Variants in HMGCLL1 observed in about 807,000 individuals in gnomAD.
HMGCLL1 encodes 3-hydroxymethyl-3-methylglutaryl-CoA lyase, cytoplasmic.
A neutral mutation model predicts 39.1 loss-of-function variants in HMGCLL1; 36 were observed. That is an observed-to-expected ratio of 0.92 (90% CI 0.71 to 1.22). The LOEUF is 1.22. Ranked by LOEUF, HMGCLL1 falls within the 50% of genes most tolerant of loss-of-function variation. The pLI is 0.00. For synonymous variants in HMGCLL1, 149 were observed against 144.0 expected (o/e 1.03, Z -0.25); for missense variants, 451 against 416.5 (o/e 1.08, Z -0.72).
the HMGCLL1 span, among the ~76,000 whole-genome samples, chr6:55,649,191 G>C: frequency 6.6e-6 from 1 of 152,054 alleles, no homozygotes; most frequent in African/African-American, 2.4e-5. Flanking sequence ...TGTACCTTCA[G>C]ATGATTTCGT....
chr6:55,500,429 A>G lies in HMGCLL1; in HGVS notation c.543-1130T>C, dbSNP rs1351737336. On this transcript the variant is annotated intron_variant, in intron 5 of 8. Coordinates refer to ENST00000274901, the MANE Select transcript of HMGCLL1 (RefSeq NM_001042406.2). The stretch of plus-strand genomic sequence containing the variant: ...TATTGATTTGAAGATGCACTATGAA[A>G]TTCCTAACAGTCTTTGGAGTAGAAA... 5.3e-5 allele frequency among the ~76,000 whole-genome samples: 8 copies of G among 152,150 alleles called. 1 individual carries two copies. Among genetic ancestry groups the G allele is most frequent in the African/African-American group, 1.9e-4 (8 of 41,554 alleles).
At chr6:55,461,332 A>C (rs1764556013) in intron 7 of HMGCLL1, among the ~76,000 whole-genome samples, 1 of 151,996 alleles carries the variant, frequency 6.6e-6, no homozygotes, top group African/African-American at 2.4e-5. Flanking sequence ...AGTACTTTTA[A>C]AGTTTAAAGA....
At chr6:55,664,713 C>T in the HMGCLL1 span, among the ~76,000 whole-genome samples, 1 of 151,668 alleles carries the variant, frequency 6.6e-6, no homozygotes, top group Admixed American at 6.6e-5. Context: ...CTCAAGGTCT[C>T]TCATGAGATA....
At chr6:55,596,355 G>T in the HMGCLL1 span, among the ~76,000 whole-genome samples, 1 of 152,008 alleles carries the variant, frequency 6.6e-6, no homozygotes, top group Admixed American at 6.6e-5. Context: ...TAAGTAAATA[G>T]GAATTGAAAA....
At chr6:55,475,517 G>T (rs1406233805) in intron 7 of HMGCLL1, among the ~76,000 whole-genome samples, 1 of 151,570 alleles carries the variant, frequency 6.6e-6, no homozygotes, top group African/African-American at 2.4e-5. Flanking sequence ...TTTTCTGATA[G>T]ATCCAAGAAA....
chr6:55,672,952 T>A, the HMGCLL1 span, among the ~76,000 whole-genome samples: 13 of 152,076 alleles, frequency 8.5e-5, no homozygotes, highest in Non-Finnish European at 1.5e-4. Context: ...GGACTAAGAT[T>A]TCTAATTTTC....
At chr6:55,485,000 TCTCCAGCCACA>T (rs1233675679) in intron 7 of HMGCLL1, among the ~76,000 whole-genome samples, 2 of 152,122 alleles carry the variant, frequency 1.3e-5, no homozygotes, top group Admixed American at 6.6e-5. Context: ...TACTCACTTA[TCTCCAGCCACA>T]CTGGCCACAT....
chr6:55,520,822 A>G (rs2127441370), intron 3 of HMGCLL1, among the ~76,000 whole-genome samples: 1 of 152,124 alleles, frequency 6.6e-6, no homozygotes, highest in Non-Finnish European at 1.5e-5. Flanking sequence ...GTTAGTAACA[A>G]GTTTTGCCAT....
the HMGCLL1 span, among the ~76,000 whole-genome samples, chr6:55,618,201 G>A: frequency 7.2e-5 from 11 of 152,060 alleles, no homozygotes; most frequent in South Asian, 6.2e-4. Flanking sequence ...TACTGGAAAC[G>A]TCTGGGGTCT....
chr6:55,630,369 C>T, the HMGCLL1 span, among the ~76,000 whole-genome samples: 1 of 151,990 alleles, frequency 6.6e-6, no homozygotes, highest in Non-Finnish European at 1.5e-5. Context: ...TGCCCATACC[C>T]CTATTGTATC....
At chr6:55,612,366 T>C in the HMGCLL1 span, among the ~76,000 whole-genome samples, 1 of 152,168 alleles carries the variant, frequency 6.6e-6, no homozygotes, top group Admixed American at 6.5e-5. Context: ...AAAATGGCCA[T>C]ACTGTCCAAA....
At chr6:55,671,320 T>C in the HMGCLL1 span, among the ~76,000 whole-genome samples, 1 of 151,828 alleles carries the variant, frequency 6.6e-6, no homozygotes, top group Non-Finnish European at 1.5e-5. Context: ...TATATGCCAT[T>C]GCTCTTTGGG....
chr6:55,625,389 C>A, the HMGCLL1 span, among the ~76,000 whole-genome samples: 1 of 152,078 alleles, frequency 6.6e-6, no homozygotes, highest in African/African-American at 2.4e-5. Context: ...GGAAGTGGCT[C>A]AAATGCCCAT....
At chr6:55,484,587 T>C (rs1193299055) in intron 7 of HMGCLL1, among the ~76,000 whole-genome samples, 1 of 152,096 alleles carries the variant, frequency 6.6e-6, no homozygotes, top group Non-Finnish European at 1.5e-5. Context: ...TCATAGCCTT[T>C]TCCATTTTGG....
chr6:55,629,813 A>G, the HMGCLL1 span, among the ~76,000 whole-genome samples: 51,509 of 152,038 alleles, frequency 0.34, 9,051 homozygotes, highest in African/African-American at 0.42. Flanking sequence ...CTTCCACATG[A>G]TGTTGAGCCT....
chr6:55,637,755 T>C, the HMGCLL1 span, among the ~76,000 whole-genome samples: 1 of 151,906 alleles, frequency 6.6e-6, no homozygotes, highest in African/African-American at 2.4e-5. Flanking sequence ...TCTGTGTGTG[T>C]CTGTGTGTGT....
the HMGCLL1 span, among the ~76,000 whole-genome samples, chr6:55,590,284 T>TA: frequency 0.1 from 14,642 of 146,346 alleles, 1,020 homozygotes; most frequent in East Asian, 0.3. Flanking sequence ...ACAAACCTAA[T>TA]AAAAAAAAAA....
At chr6:55,666,465 C>T in the HMGCLL1 span, among the ~76,000 whole-genome samples, 2 of 151,546 alleles carry the variant, frequency 1.3e-5, no homozygotes, top group African/African-American at 4.8e-5. Context: ...TCTTTCCCAC[C>T]CCTTGCCATG....
the HMGCLL1 span, among the ~76,000 whole-genome samples, chr6:55,655,557 T>TAGATAGAC: frequency 6.6e-6 from 1 of 151,608 alleles, no homozygotes; most frequent in Non-Finnish European, 1.5e-5. Context: ...GATAGATAGA[T>TAGATAGAC]AGATAGATAG....
Sources: gnomAD v4.1 joint callset for allele counts (sites outside exome capture counted in the v4.1 genomes callset) on GRCh38, gnomAD v4.1.1 for gene constraint, MANE v1.5 for transcripts, NCBI Gene and HGNC (gene_info 2026-07-23, HGNC 2026-07-21) for gene names.